BRINP1: variants seen among roughly 807,000 people sequenced by gnomAD.
The protein encoded by BRINP1 is BMP/retinoic acid-inducible neural-specific protein 1.
A neutral mutation model predicts 72.9 loss-of-function variants in BRINP1; 17 were observed. That is an observed-to-expected ratio of 0.23 (90% confidence interval 0.16 to 0.35). The LOEUF (loss-of-function observed/expected upper bound fraction) is 0.35, where lower values mean the gene tolerates loss of function less well. BRINP1 is among the 10% of genes least tolerant of loss of function. BRINP1 has a pLI of 1.00. For synonymous variants in BRINP1, 418 were observed against 378.5 expected (o/e 1.10, Z -1.21); for missense variants, 850 against 1,001.6 (o/e 0.85, Z 2.04).
intron 5 of BRINP1, among the ~76,000 whole-genome samples, chr9:119,222,773 CA>C (rs1011036378): frequency 2.6e-5 from 4 of 151,154 alleles, no homozygotes; most frequent in Admixed American, 1.3e-4. Flanking sequence ...ATTTTAACTT[CA>C]AAAAAAGATA....
At chr9:119,216,875 G>A (rs2118880241) in intron 5 of BRINP1, among the ~76,000 whole-genome samples, 1 of 152,282 alleles carries the variant, frequency 6.6e-6, no homozygotes, top group East Asian at 1.9e-4. Flanking sequence ...TAATGCAACT[G>A]AAAACAGATG....
At chr9:119,247,240 G>T (rs1192133137) in intron 3 of BRINP1, among the ~76,000 whole-genome samples, 2 of 152,160 alleles carry the variant, frequency 1.3e-5, no homozygotes, top group Non-Finnish European at 2.9e-5. Flanking sequence ...TTACACTAAT[G>T]ATTTCATATT....
chr9:119,171,789 A>C (rs1335940503), intron 7 of BRINP1, among the ~76,000 whole-genome samples: 2 of 117,948 alleles, frequency 1.7e-5, no homozygotes, highest in African/African-American at 7.6e-5. Flanking sequence ...TATCTCTCAG[A>C]CCACAGTGCA....
At position 119,308,234 on chromosome 9, in the gene BRINP1, A is replaced by G. The variant is rs572761434; in HGVS notation, c.218+4904T>C. Among the ~76,000 whole-genome samples, 9 of 152,340 alleles carry G rather than the reference A, an allele frequency of 5.9e-5. No individual in the cohort carries two copies. The South Asian group carries it at 1.9e-3, about 32-fold the overall frequency. ...TGAACTAGAGTTCTCTGTAACATAC[A>G]TTAAGAAATGCTGATTTCGACTACT... On this transcript the variant is annotated intron_variant, in intron 2 of 7. Coordinates refer to ENST00000265922, the MANE Select transcript of BRINP1 (RefSeq NM_014618.3).
chr9:119,324,190 C>T lies in BRINP1; in HGVS notation c.-50-10785G>A, dbSNP rs144153274. Among the ~76,000 whole-genome samples, 758 of 151,778 alleles carry T rather than the reference C, an allele frequency of 5.0e-3. 5 individuals carry two copies. The highest frequency in any genetic ancestry group is 7.6e-3 in the Non-Finnish European group (514 of 67,932). On this transcript the variant is annotated intron_variant, in intron 1 of 7. Transcript: ENST00000265922. The stretch of plus-strand genomic sequence containing the variant: ...TCCAATTAATTCCAATGAGAATTTA[C>T]TAATCAGGGTATACAAGGCAAAAAA...
intron 2 of BRINP1, among the ~76,000 whole-genome samples, chr9:119,273,903 C>T (rs1428440106): frequency 6.6e-6 from 1 of 152,174 alleles, no homozygotes; most frequent in Non-Finnish European, 1.5e-5. Context: ...TCTGTTTATT[C>T]TTGGCTGATT....
chr9:119,349,800 C>G (rs941751373), intron 1 of BRINP1, among the ~76,000 whole-genome samples: 1 of 152,154 alleles, frequency 6.6e-6, no homozygotes, highest in Non-Finnish European at 1.5e-5. Flanking sequence ...GGGGAAAACA[C>G]GTAGGCAGGA....
intron 4 of BRINP1, among the ~76,000 whole-genome samples, chr9:119,240,416 T>C (rs1031130345): frequency 3.3e-5 from 5 of 152,214 alleles, no homozygotes; most frequent in African/African-American, 1.2e-4. Context: ...AAATGGTTTC[T>C]TGAGTGGCCT....
At chr9:119,275,519 TG>T (rs1830648337) in intron 2 of BRINP1, among the ~76,000 whole-genome samples, 3 of 152,190 alleles carry the variant, frequency 2.0e-5, no homozygotes, top group Admixed American at 6.5e-5. Flanking sequence ...AGAAGACAGC[TG>T]GGGAGGTTTC....
chr9:119,181,604 G>C (rs1315475011), intron 7 of BRINP1, among the ~76,000 whole-genome samples: 1 of 152,178 alleles, frequency 6.6e-6, no homozygotes, highest in African/African-American at 2.4e-5. Flanking sequence ...GATTGTTACT[G>C]AGGGCAAGGA....
intron 7 of BRINP1, among the ~76,000 whole-genome samples, chr9:119,184,906 T>A (rs940080000): frequency 6.6e-6 from 1 of 152,158 alleles, no homozygotes; most frequent in Non-Finnish European, 1.5e-5. Flanking sequence ...TGGGTGACTG[T>A]ATACTGAGTG....
chr9:119,285,961 A>C (rs1473466932), intron 2 of BRINP1, among the ~76,000 whole-genome samples: 1 of 152,166 alleles, frequency 6.6e-6, no homozygotes, highest in East Asian at 1.9e-4. Flanking sequence ...CCCCGGGCAA[A>C]CAGCTGTGCA....
chr9:119,224,738 TG>T (rs1419516515), intron 5 of BRINP1, among the ~76,000 whole-genome samples: 2 of 152,038 alleles, frequency 1.3e-5, no homozygotes, highest in African/African-American at 4.8e-5. Context: ...GCAAAAGCCA[TG>T]CCAGACAATG....
intron 1 of BRINP1, among the ~76,000 whole-genome samples, chr9:119,323,269 T>C (rs1424359933): frequency 6.6e-6 from 1 of 152,000 alleles, no homozygotes; most frequent in Non-Finnish European, 1.5e-5. Context: ...ATCAGAGAAA[T>C]CTCAAACAAA....
chr9:119,218,200 A>C (rs577530871), intron 5 of BRINP1, among the ~76,000 whole-genome samples: 1 of 124,238 alleles, frequency 8.0e-6, no homozygotes, highest in Admixed American at 1.0e-4. Context: ...TTGATCAAAT[A>C]AATATTTTTT....
chr9:119,166,999 G>T lies in BRINP1; in HGVS notation c.*85C>A. 2 of 1,376,430 alleles carry T rather than the reference G, an allele frequency of 1.5e-6. No homozygotes were observed. Among genetic ancestry groups the T allele is most frequent in the Non-Finnish European group, 9.8e-7 (1 of 1,015,252 alleles). The allele number at this position is 1,376,430 out of a possible 1,614,324, so 85.3% of individuals were successfully genotyped here. On this transcript the variant is annotated 3_prime_UTR_variant, in exon 8 of 8. Coordinates refer to ENST00000265922, the MANE Select transcript of BRINP1 (RefSeq NM_014618.3). ...TATTAATTACATTTTACAAATTTTT[G>T]TGGGTTTTTTTGTTTTGTTTTGCTT...
chr9:119,216,646 G>A (rs925856008), intron 5 of BRINP1, among the ~76,000 whole-genome samples: 31 of 152,200 alleles, frequency 2.0e-4, no homozygotes, highest in African/African-American at 7.5e-4. Flanking sequence ...TGTATGGATC[G>A]GGGTTAAGTT....
intron 2 of BRINP1, among the ~76,000 whole-genome samples, chr9:119,308,898 C>T (rs767084641): frequency 1.3e-5 from 2 of 151,788 alleles, no homozygotes; most frequent in Non-Finnish European, 2.9e-5. Flanking sequence ...CCAAAGAGTA[C>T]CATAATTATT....
chr9:119,333,462 CAAA>C (rs544546221), intron 1 of BRINP1, among the ~76,000 whole-genome samples: 30 of 67,950 alleles, frequency 4.4e-4, no homozygotes, highest in African/African-American at 1.1e-3. Flanking sequence ...GACCTTGTTT[CAAA>C]AAAAAAAAAA....
Sources: allele counts gnomAD v4.1 joint callset (sites outside exome capture counted in the v4.1 genomes callset), GRCh38; gene constraint gnomAD v4.1.1; transcripts MANE v1.5; gene names NCBI Gene and HGNC (gene_info 2026-07-23, HGNC 2026-07-21).